The following NSF variants were observed in gnomAD, a reference collection of about 807,000 sequenced individuals.
The protein encoded by NSF is vesicle-fusing ATPase.
A neutral mutation model predicts 50.3 loss-of-function variants in NSF; 14 were observed. That is an observed-to-expected ratio of 0.28 (90% confidence interval 0.18 to 0.44). The LOEUF is 0.44. Ranked by LOEUF, NSF falls within the 20% of genes least tolerant of loss-of-function variation. The probability of loss-of-function intolerance (pLI) is 1.00; values close to 1 mark genes in which losing one functional copy is unlikely to be tolerated. For synonymous variants in NSF, 109 were observed against 175.7 expected (o/e 0.62, Z 3.00); for missense variants, 218 against 504.3 (o/e 0.43, Z 5.44).
intron 17 of NSF, among the ~76,000 whole-genome samples, chr17:46,731,621 G>A (rs2058949810): frequency 6.6e-6 from 1 of 152,110 alleles, no homozygotes; most frequent in South Asian, 2.1e-4. Context: ...GGAGAAAGAG[G>A]AATTGGATCA....
chr17:46,741,739 T>C (rs942555252), intron 17 of NSF, among the ~76,000 whole-genome samples: 2 of 148,964 alleles, frequency 1.3e-5, no homozygotes, highest in South Asian at 2.2e-4. Flanking sequence ...CCAAGAGTTG[T>C]AGGAGATGTT....
intron 1 of NSF, among the ~76,000 whole-genome samples, chr17:46,610,041 C>CTCTCTCTG (rs545055767): frequency 1.7e-5 from 2 of 118,656 alleles, no homozygotes; most frequent in East Asian, 4.2e-4. Context: ...CTCTCTCTCT[C>CTCTCTCTG]TCTTTCTTTC....
chr17:46,727,487 T>C (rs16941219), intron 16 of NSF, among the ~76,000 whole-genome samples: 5,786 of 152,256 alleles, frequency 0.038, 385 homozygotes, highest in African/African-American at 0.13. Context: ...CATAATGGTG[T>C]AGTCGTGATT....
At chr17:46,741,675 C>G (rs1201395439) in intron 17 of NSF, among the ~76,000 whole-genome samples, 1 of 152,140 alleles carries the variant, frequency 6.6e-6, no homozygotes, top group Non-Finnish European at 1.5e-5. Flanking sequence ...TCTCCCTTCA[C>G]TTGTCTCTGG....
chr17:46,733,040 C>T (rs1357027572), intron 17 of NSF, among the ~76,000 whole-genome samples: 1 of 152,204 alleles, frequency 6.6e-6, no homozygotes, highest in African/African-American at 2.4e-5. Flanking sequence ...AGTTCACCCT[C>T]CCTGAGCTGG....
chr17:46,741,315 A>G (rs539885411), intron 17 of NSF, among the ~76,000 whole-genome samples: 1 of 152,342 alleles, frequency 6.6e-6, no homozygotes, highest in African/African-American at 2.4e-5. Flanking sequence ...GGAATTAGAT[A>G]TCCTTTAATA....
chr17:46,708,852 G>A lies in NSF; in HGVS notation c.1471-2111G>A, dbSNP rs566011425. On this transcript the variant is annotated intron_variant, in intron 13 of 20. Transcript: ENST00000398238. Reference sequence around the variant, plus strand: ...TTTTTTTTTTTTTTTTTGAGACTGAGTCTTGCTCTGTTGCCAGGCTGGAGT... The same window carrying A: ...TTTTTTTTTTTTTTTTTGAGACTGAATCTTGCTCTGTTGCCAGGCTGGAGT... 9.3e-5 allele frequency among the ~76,000 whole-genome samples: 10 copies of A among 107,958 alleles called. No individual in the cohort carries two copies. In the East Asian group the frequency reaches 2.8e-3, roughly 30 times the overall value. The allele number at this position is 107,958 out of a possible 152,430, so 70.8% of individuals were successfully genotyped here.
chr17:46,745,022 A>G (rs370373758), intron 17 of NSF, among the ~76,000 whole-genome samples: 1 of 143,278 alleles, frequency 7.0e-6, no homozygotes, highest in Non-Finnish European at 1.5e-5. Context: ...CTTTTTTCCC[A>G]AATAGGTTAT....
chr17:46,729,185 TTTG>T (rs2058923612), intron 17 of NSF, among the ~76,000 whole-genome samples: 1 of 152,090 alleles, frequency 6.6e-6, no homozygotes. Flanking sequence ...AGCATTGTAT[TTTG>T]TTGTTTTGTA....
At chr17:46,747,412 C>G (rs988750527) in intron 17 of NSF, among the ~76,000 whole-genome samples, 2 of 152,068 alleles carry the variant, frequency 1.3e-5, no homozygotes, top group African/African-American at 4.8e-5. Context: ...TCCCAGGTAC[C>G]TGGGACGACA....
At position 46,635,818 on chromosome 17, in the gene NSF, T is replaced by TGTGTGTGC. The variant is rs1208936942; in HGVS notation, c.239-1557_239-1556insTGTGTGCG. On this transcript the variant is annotated intron_variant, in intron 4 of 20. Transcript: ENST00000398238. ...GTGTGTGTGTGTGTGTGTGTGTGTG[T>TGTGTGTGC]GCTCGTGTGTGAAGCCTTATTGAAG... Among the ~76,000 whole-genome samples, 70 of 138,424 alleles carry TGTGTGTGC rather than the reference T, an allele frequency of 5.1e-4. 4 individuals carry two copies. Among genetic ancestry groups the TGTGTGTGC allele is most frequent in the East Asian group, 3.3e-3 (17 of 5,172 alleles). 90.8% of individuals were successfully genotyped at this position (138,424 alleles called of 152,430 possible).
At chr17:46,729,628 T>A (rs1267374146) in intron 17 of NSF, among the ~76,000 whole-genome samples, 1 of 152,164 alleles carries the variant, frequency 6.6e-6, no homozygotes, top group Non-Finnish European at 1.5e-5. Context: ...TTCTGCATGC[T>A]GTAACCTTGA....
intron 9 of NSF, among the ~76,000 whole-genome samples, chr17:46,690,624 A>AAATAT (rs1381328687): frequency 0.02 from 2,165 of 110,586 alleles, 40 homozygotes; most frequent in Non-Finnish European, 0.03. Flanking sequence ...AAAAAAAAAA[A>AAATAT]ATATATATAT....
In NSF at chr17:46,690,624, A is replaced by AAAATAT. The variant is rs1381328687; in HGVS notation, c.946-2278_946-2277insAATATA. ...GAGACTCCGTCTCAAAAAAAAAAAA[A>AAAATAT]ATATATATATATATATATTGTATAG... On this transcript the variant is annotated intron_variant, in intron 9 of 20. Transcript: ENST00000398238. Among the ~76,000 whole-genome samples the AAAATAT allele has an allele frequency of 7.1e-4, 79 of 110,918 alleles. 1 individual carries two copies. Among genetic ancestry groups the AAAATAT allele is most frequent in the Middle Eastern group, 4.5e-3 (1 of 220 alleles). The allele number at this position is 110,918 out of a possible 152,430, so 72.8% of individuals were successfully genotyped here.
chr17:46,730,469 A>G (rs990781065), intron 17 of NSF, among the ~76,000 whole-genome samples: 26 of 152,196 alleles, frequency 1.7e-4, no homozygotes, highest in African/African-American at 6.3e-4. Flanking sequence ...TTTGTGATCC[A>G]AAGTAGATAC....
At chr17:46,602,399 T>C (rs918313254) in intron 1 of NSF, 4 of 20,130 alleles carry the variant, frequency 2.0e-4, no homozygotes, top group African/African-American at 1.1e-3. Context: ...ATCAGCTGTT[T>C]ATGAGTAATG....
intron 13 of NSF, among the ~76,000 whole-genome samples, chr17:46,708,608 C>G (rs1433464060): frequency 1.3e-5 from 2 of 148,552 alleles, no homozygotes; most frequent in Non-Finnish European, 1.5e-5. Flanking sequence ...TCTCCTGCCT[C>G]AGCCTCCCCA....
At chr17:46,748,730 A>C (rs1236699359) in intron 17 of NSF, among the ~76,000 whole-genome samples, 2 of 152,222 alleles carry the variant, frequency 1.3e-5, no homozygotes, top group Non-Finnish European at 2.9e-5. Flanking sequence ...ACACAACTTT[A>C]AACTATGTAA....
At position 46,737,908 on chromosome 17, in the gene NSF, ATATTATTATTAT is replaced by A. The variant is rs138655503; in HGVS notation, c.1908+9007_1908+9018del. ...AGGATTTATGTATGCTAAAATTAGC[ATATTATTATTAT>A]TATTATTATTATTATTATTATTATT... On this transcript the variant is annotated intron_variant, in intron 17 of 20. Coordinates refer to ENST00000398238, the MANE Select transcript of NSF (RefSeq NM_006178.4). Among the ~76,000 whole-genome samples, 323 of 145,900 alleles carry A rather than the reference ATATTATTATTAT, an allele frequency of 2.2e-3. 2 individuals carry two copies. Among genetic ancestry groups the A allele is most frequent in the Middle Eastern group, 7.0e-3 (2 of 284 alleles).
Sources: allele counts gnomAD v4.1 joint callset (sites outside exome capture counted in the v4.1 genomes callset), GRCh38; gene constraint gnomAD v4.1.1; transcripts MANE v1.5; gene names NCBI Gene and HGNC (gene_info 2026-07-23, HGNC 2026-07-21).